PBK: variants seen among roughly 807,000 people sequenced by gnomAD.
PBK encodes lymphokine-activated killer T-cell-originated protein kinase.
In PBK, 22 loss-of-function variants were observed where a neutral mutation model predicts 33.5. The observed-to-expected ratio is 0.66, with a 90% CI of 0.47 to 0.94. The LOEUF is 0.94. Among genes scored for constraint, PBK ranks in the 40% least tolerant of loss-of-function variants. The pLI is 0.00. For synonymous variants in PBK, 129 were observed against 123.8 expected (o/e 1.04, Z -0.28); for missense variants, 376 against 383.4 (o/e 0.98, Z 0.16).
chr8:27,830,420 A>C (rs1177863886), intron 2 of PBK, among the ~76,000 whole-genome samples: 1 of 152,200 alleles, frequency 6.6e-6, no homozygotes. Flanking sequence ...GAGCAACAAA[A>C]ACTATCAAAA....
In PBK at chr8:27,828,165, G is replaced by T; in HGVS notation, c.92C>A (p.Ala31Asp). ...GCCAAGCTTCTGCATAAACGGAGAG[G>T]CCGGGATATTTATAGTTGGAGTTGA... ...LCSTPTINIPASPFMQKLGFG... is the reference protein window; with the variant it reads ...LCSTPTINIPDSPFMQKLGFG... Residue 31 changes from alanine (A) to aspartate (D), a missense_variant, in exon 3 of 8, where the codon GCC (alanine) becomes GAC (aspartate). Transcript: ENST00000301905. 1 of 1,579,674 alleles carries T rather than the reference G, an allele frequency of 6.3e-7. No homozygotes were observed. The highest frequency in any genetic ancestry group is 8.7e-7 in the Non-Finnish European group (1 of 1,150,910).
chr8:27,818,894 T>G (rs1023307147), intron 6 of PBK, among the ~76,000 whole-genome samples: 2 of 152,170 alleles, frequency 1.3e-5, no homozygotes, highest in African/African-American at 4.8e-5. Flanking sequence ...TATATGGGGA[T>G]TCAAGTGTAA....
chr8:27,820,005 G>GAAGTTAA (rs1405485818), intron 6 of PBK, among the ~76,000 whole-genome samples: 3 of 152,068 alleles, frequency 2.0e-5, no homozygotes, highest in African/African-American at 7.2e-5. Flanking sequence ...GATATAAAGA[G>GAAGTTAA]ACAAATTTAA....
intron 3 of PBK, among the ~76,000 whole-genome samples, chr8:27,824,759 A>G (rs1260543573): frequency 1.3e-5 from 2 of 152,190 alleles, no homozygotes; most frequent in African/African-American, 2.4e-5. Context: ...TTAAAAAATC[A>G]AAAGGGACAG....
chr8:27,810,914 T>A (rs1465003612), intron 7 of PBK, 44 bp downstream of exon 7: 1 of 1,211,426 alleles, frequency 8.3e-7, no homozygotes, highest in African/African-American at 1.5e-5. Flanking sequence ...ATCTTTAGTG[T>A]GAAATGAAGA....
chr8:27,816,343 C>CTTATATATATATATA (rs1554559818), intron 6 of PBK, among the ~76,000 whole-genome samples: 20 of 136,358 alleles, frequency 1.5e-4, no homozygotes, highest in African/African-American at 5.3e-4. Context: ...TCATCGAATA[C>CTTATATATATATATA]TATATATATA....
At chr8:27,837,546 C>T (rs3735746) in intron 1 of PBK, 106 bp downstream of exon 1, 16,853 of 152,160 alleles carry the variant, frequency 0.11, 1,129 homozygotes, top group East Asian at 0.33. Context: ...TGCCAAAATC[C>T]TTCTTTGGCT....
intron 3 of PBK, among the ~76,000 whole-genome samples, chr8:27,823,802 C>G (rs10112313): frequency 0.16 from 23,929 of 151,854 alleles, 2,389 homozygotes; most frequent in East Asian, 0.37. Flanking sequence ...AGCCATTTTA[C>G]AAATATTTAA....
chr8:27,817,086 G>A (rs916094365), intron 6 of PBK, among the ~76,000 whole-genome samples: 3 of 152,150 alleles, frequency 2.0e-5, no homozygotes, highest in African/African-American at 7.2e-5. Context: ...TATGCCTGGT[G>A]TAGTAGCTTT....
intron 1 of PBK, among the ~76,000 whole-genome samples, chr8:27,835,901 A>G (rs28432295): frequency 0.16 from 23,981 of 151,330 alleles, 2,411 homozygotes; most frequent in East Asian, 0.37. Context: ...TCACTCAGTC[A>G]ATATGCACAC....
At chr8:27,831,288 G>T (rs184353049) in intron 2 of PBK, among the ~76,000 whole-genome samples, 1 of 150,084 alleles carries the variant, frequency 6.7e-6, no homozygotes, top group East Asian at 2.0e-4. Flanking sequence ...AGGAGGTAGA[G>T]GTTGCAGTGA....
At position 27,810,311 on chromosome 8, in the gene PBK, ATC is replaced by A; in HGVS notation, c.961_962del (p.Asp321CysfsTer13). 6.2e-7 allele frequency: 1 copy of A among 1,608,014 alleles called. No homozygotes were observed. Among genetic ancestry groups the A allele is most frequent in the Non-Finnish European group, 8.5e-7 (1 of 1,174,688 alleles). On this transcript the variant is annotated frameshift_variant, in exon 8 of 8. Transcript: ENST00000301905. LOFTEE classifies it high-confidence loss of function. Reference protein sequence around the residue: ...AAHIVEALETDV With the variant: ...AAHIVEALETXV ...ACTTCAGCTGAGATGATCACTAGAC[ATC>A]TGTTTCCAGAGCTTCAACAATGTGT...
intron 6 of PBK, 99 bp downstream of exon 6, chr8:27,820,465 TA>T: frequency 1.3e-6 from 1 of 758,754 alleles, no homozygotes; most frequent in Non-Finnish European, 2.2e-6. Flanking sequence ...ATATACTTTT[TA>T]AAAATAGTTT....
intron 6 of PBK, among the ~76,000 whole-genome samples, chr8:27,817,551 G>GCT (rs144396377): frequency 1.2e-4 from 18 of 148,382 alleles, no homozygotes; most frequent in East Asian, 5.9e-4. Flanking sequence ...TTTTAACCCT[G>GCT]TTTTTTTTTT....
At chr8:27,833,637 C>T (rs946747081) in intron 1 of PBK, among the ~76,000 whole-genome samples, 1 of 151,840 alleles carries the variant, frequency 6.6e-6, no homozygotes, top group South Asian at 2.1e-4. Flanking sequence ...CCAAAAAGTA[C>T]AATTACTTAC....
intron 3 of PBK, among the ~76,000 whole-genome samples, chr8:27,825,591 G>T (rs368267552): frequency 6.6e-6 from 1 of 151,982 alleles, no homozygotes; most frequent in African/African-American, 2.4e-5. Flanking sequence ...TTTACTGTCA[G>T]TTGAGAACCT....
chr8:27,816,779 C>T (rs1174437475), intron 6 of PBK, among the ~76,000 whole-genome samples: 1 of 151,802 alleles, frequency 6.6e-6, no homozygotes, highest in Non-Finnish European at 1.5e-5. Context: ...TATGTAAATA[C>T]ATATAAGTGC....
chr8:27,823,284 GA>G, intron 3 of PBK, 79 bp from the exon 4 acceptor site: 4 of 845,074 alleles, frequency 4.7e-6, no homozygotes, highest in Non-Finnish European at 7.4e-6. Flanking sequence ...AAATTTTTGG[GA>G]AAAAGCTTGA....
At chr8:27,813,629 T>G (rs560435953) in intron 6 of PBK, among the ~76,000 whole-genome samples, 6 of 152,248 alleles carry the variant, frequency 3.9e-5, no homozygotes, top group East Asian at 1.9e-4. Flanking sequence ...TACCATTTTT[T>G]TGTGTGTGTG....
Sources: gnomAD v4.1 joint callset for allele counts (sites outside exome capture counted in the v4.1 genomes callset) on GRCh38, gnomAD v4.1.1 for gene constraint, MANE v1.5 for transcripts, NCBI Gene and HGNC (gene_info 2026-07-23, HGNC 2026-07-21) for gene names.